Variants in ADAMTS17 observed in about 807,000 individuals in gnomAD.
The protein encoded by ADAMTS17 is A disintegrin and metalloproteinase with thrombospondin motifs 17.
ADAMTS17 carries 113 observed loss-of-function variants against 141.5 expected under a neutral mutation model. The observed-to-expected ratio is 0.80, with a 90% CI of 0.69 to 0.93. ADAMTS17 has a LOEUF of 0.93. Among genes scored for constraint, ADAMTS17 ranks in the 40% least tolerant of loss-of-function variants. The probability of loss-of-function intolerance (pLI) is 0.00; values close to 1 mark genes in which losing one functional copy is unlikely to be tolerated. For synonymous variants in ADAMTS17, 768 were observed against 630.6 expected (o/e 1.22, Z -3.27); for missense variants, 1,659 against 1,517.9 (o/e 1.09, Z -1.54).
chr15:100,026,048 C>G (rs2061510061), intron 18 of ADAMTS17, among the ~76,000 whole-genome samples: 1 of 152,148 alleles, frequency 6.6e-6, no homozygotes, highest in Non-Finnish European at 1.5e-5. Flanking sequence ...TTACCAGAAC[C>G]TCAGAAGGCC....
intron 18 of ADAMTS17, among the ~76,000 whole-genome samples, chr15:100,045,009 T>C (rs989344636): frequency 2.6e-5 from 4 of 152,238 alleles, no homozygotes; most frequent in African/African-American, 7.2e-5. Context: ...GGTTTCATCA[T>C]GTTGGCCAGG....
intron 7 of ADAMTS17, among the ~76,000 whole-genome samples, chr15:100,238,984 G>A (rs1044391860): frequency 1.3e-5 from 2 of 152,156 alleles, no homozygotes; most frequent in East Asian, 1.9e-4. Context: ...CCAGGTACTC[G>A]GGAGACTGAG....
At chr15:100,163,946 C>T (rs2039843417) in intron 8 of ADAMTS17, among the ~76,000 whole-genome samples, 1 of 152,198 alleles carries the variant, frequency 6.6e-6, no homozygotes, top group Admixed American at 6.5e-5. Flanking sequence ...ATCATCTCCC[C>T]TATTCTTGCT....
chr15:100,144,210 A>T (rs1471994842), intron 10 of ADAMTS17, among the ~76,000 whole-genome samples: 2 of 152,222 alleles, frequency 1.3e-5, no homozygotes, highest in Admixed American at 1.3e-4. Flanking sequence ...TGAAGAGTCT[A>T]AACAGTATTT....
At chr15:100,065,216 A>C (rs1041005989) in intron 15 of ADAMTS17, among the ~76,000 whole-genome samples, 1 of 152,224 alleles carries the variant, frequency 6.6e-6, no homozygotes, top group Non-Finnish European at 1.5e-5. Context: ...CCTTTTCAAC[A>C]CCTCTTAATG....
intron 18 of ADAMTS17, among the ~76,000 whole-genome samples, chr15:100,019,399 T>G (rs867138510): frequency 4.6e-5 from 7 of 152,216 alleles, no homozygotes; most frequent in East Asian, 1.9e-4. Flanking sequence ...TTGTAAAGAT[T>G]TGTTAAAACT....
In ADAMTS17 at chr15:100,074,876, T is replaced by C. The variant is rs1241641675; in HGVS notation, c.2138-20822A>G. 2.0e-5 allele frequency among the ~76,000 whole-genome samples: 3 copies of C among 152,164 alleles called. No individual in the cohort carries two copies. In the East Asian group the frequency reaches 5.8e-4, roughly 29 times the overall value. On this transcript the variant is annotated intron_variant, in intron 15 of 21. Transcript: ENST00000268070. ...CCGAGCAATGTAATCTCTTATGACT[T>C]ATTAATTTCCTCTATACTTTATTTC...
rs28640015 is a variant in ADAMTS17 at position 100,280,079 on chromosome 15, G to A, written c.789+1150C>T. Among the ~76,000 whole-genome samples the A allele has an allele frequency of 2.4e-4, 37 of 152,030 alleles. 1 individual carries two copies. Among genetic ancestry groups the A allele is most frequent in the African/African-American group, 6.8e-4 (28 of 41,472 alleles). ...TCAGCCAGGCAGTGCTACTCACTCC[G>A]CTACTTCAGCTGCTGCTGTAGGCTG... On this transcript the variant is annotated intron_variant, in intron 4 of 21. Transcript: ENST00000268070.
intron 3 of ADAMTS17, among the ~76,000 whole-genome samples, chr15:100,296,036 G>A (rs1425816875): frequency 2.0e-5 from 3 of 152,058 alleles, no homozygotes; most frequent in Non-Finnish European, 4.4e-5. Context: ...GAGTATCAAA[G>A]CGTACCACAG....
chr15:100,176,608 G>A (rs941467870), intron 8 of ADAMTS17, among the ~76,000 whole-genome samples: 4 of 152,160 alleles, frequency 2.6e-5, no homozygotes, highest in African/African-American at 7.2e-5. Context: ...CATTGGGTAC[G>A]ATCCACAAAA....
At chr15:100,162,948 G>GTA (rs1197068907) in intron 8 of ADAMTS17, among the ~76,000 whole-genome samples, 26 of 140,678 alleles carry the variant, frequency 1.8e-4, no homozygotes, top group African/African-American at 5.7e-4. Flanking sequence ...ATATATTTGT[G>GTA]TATATATATA....
At chr15:100,044,407 A>G (rs2031515100) in intron 18 of ADAMTS17, among the ~76,000 whole-genome samples, 1 of 152,138 alleles carries the variant, frequency 6.6e-6, no homozygotes, top group Non-Finnish European at 1.5e-5. Flanking sequence ...TCTATCTTCA[A>G]GTTCAGTAAT....
intron 21 of ADAMTS17, among the ~76,000 whole-genome samples, chr15:99,975,345 G>A (rs2060299022): frequency 6.6e-6 from 1 of 152,200 alleles, no homozygotes; most frequent in Non-Finnish European, 1.5e-5. Context: ...GAGGCGTGGG[G>A]ACTACAGGCA....
intron 8 of ADAMTS17, among the ~76,000 whole-genome samples, chr15:100,163,769 T>C (rs1417708704): frequency 6.6e-6 from 1 of 152,082 alleles, no homozygotes. Flanking sequence ...TCCTAGGAAG[T>C]TTTCAAAGAT....
chr15:99,976,667 G>A (rs769505392), intron 20 of ADAMTS17: 1 of 272,088 alleles, frequency 3.7e-6, no homozygotes, highest in Non-Finnish European at 7.2e-6. Context: ...GTGTGAGAAG[G>A]GAAAGAGACC....
intron 18 of ADAMTS17, among the ~76,000 whole-genome samples, chr15:100,022,172 A>G (rs139786678): frequency 2.9e-3 from 444 of 152,214 alleles, no homozygotes; most frequent in Non-Finnish European, 5.3e-3. Flanking sequence ...CCAACGATTG[A>G]TCCTATATGG....
intron 7 of ADAMTS17, among the ~76,000 whole-genome samples, chr15:100,203,164 T>A (rs1052093082): frequency 2.6e-5 from 4 of 152,200 alleles, no homozygotes; most frequent in African/African-American, 7.2e-5. Flanking sequence ...GAGGCTCCAC[T>A]ACACCCCTGA....
At chr15:100,101,585 A>C (rs907746584) in intron 14 of ADAMTS17, among the ~76,000 whole-genome samples, 1 of 152,214 alleles carries the variant, frequency 6.6e-6, no homozygotes, top group Non-Finnish European at 1.5e-5. Flanking sequence ...AAGCACATAG[A>C]GGACTGTGTC....
chr15:100,149,120 C>G (rs917038578), intron 10 of ADAMTS17, among the ~76,000 whole-genome samples: 1 of 152,232 alleles, frequency 6.6e-6, no homozygotes, highest in Non-Finnish European at 1.5e-5. Flanking sequence ...TACCCAACAT[C>G]AACCACAACA....
Sources: allele counts gnomAD v4.1 joint callset (sites outside exome capture counted in the v4.1 genomes callset), GRCh38; gene constraint gnomAD v4.1.1; transcripts MANE v1.5; gene names NCBI Gene and HGNC (gene_info 2026-07-23, HGNC 2026-07-21).